Variants in DCLK3 observed in about 807,000 individuals in gnomAD.
DCLK3 encodes the protein serine/threonine-protein kinase DCLK3.
DCLK3 carries 30 observed loss-of-function variants against 46.4 expected under a neutral mutation model. That is an observed-to-expected ratio of 0.65 (90% CI 0.48 to 0.88). The LOEUF is 0.88. Ranked by LOEUF, DCLK3 falls within the 40% of genes least tolerant of loss-of-function variation. The pLI is 0.00. For synonymous variants in DCLK3, 401 were observed against 339.2 expected (o/e 1.18, Z -2.00); for missense variants, 846 against 907.1 (o/e 0.93, Z 0.87).
chr3:36,753,106 T>C (rs7632683), intron 1 of DCLK3, among the ~76,000 whole-genome samples: 117,318 of 152,154 alleles, frequency 0.77, 45,652 homozygotes, highest in Middle Eastern at 0.86. Context: ...GAATTTTTAG[T>C]GGATGGTAGT....
At chr3:36,729,244 T>TGG (rs1553611154) in intron 2 of DCLK3, among the ~76,000 whole-genome samples, 4 of 35,990 alleles carry the variant, frequency 1.1e-4, no homozygotes, top group East Asian at 7.0e-4. Context: ...GTTGTGTGTG[T>TGG]GTGTGGGGGG....
At position 36,738,639 on chromosome 3, in the gene DCLK3, T is replaced by A; in HGVS notation, c.528A>T (p.Thr176=). The part of the protein sequence containing the change: ...AFIAMGKEPL[T]LKSIQVAVEE... ...CTACAGCCACCTGAATGCTCTTCAGTGTCAGTGGTTCTTTGCCCATAGCTA... is the reference window on the plus strand; with the variant it reads ...CTACAGCCACCTGAATGCTCTTCAGAGTCAGTGGTTCTTTGCCCATAGCTA... Residue 176 remains threonine (T), a synonymous_variant, in exon 2 of 5, where the codon ACA becomes ACT. Coordinates refer to ENST00000636136, the MANE Select transcript of DCLK3 (RefSeq NM_001394672.2). 7.5e-7 allele frequency: 1 copy of A among 1,341,486 alleles called. No homozygotes were observed. Among genetic ancestry groups the A allele is most frequent in the Non-Finnish European group, 9.6e-7 (1 of 1,039,076 alleles). The allele number at this position is 1,341,486 out of a possible 1,614,324, so 83.1% of individuals were successfully genotyped here. A position where few individuals can be genotyped will look rare whatever the true frequency, so the allele number is the denominator to read the frequency against.
chr3:36,747,082 G>T (rs1421623126), intron 1 of DCLK3, among the ~76,000 whole-genome samples: 2 of 152,212 alleles, frequency 1.3e-5, no homozygotes, highest in African/African-American at 2.4e-5. Flanking sequence ...TGGCATCAGT[G>T]CAGTGAAACA....
intron 2 of DCLK3, among the ~76,000 whole-genome samples, chr3:36,736,279 T>C (rs997263464): frequency 6.6e-6 from 1 of 152,144 alleles, no homozygotes; most frequent in African/African-American, 2.4e-5. Flanking sequence ...TATAATCAGG[T>C]ATCTTAATAA....
intron 1 of DCLK3, among the ~76,000 whole-genome samples, chr3:36,748,195 G>C (rs1216222788): frequency 6.7e-6 from 1 of 149,756 alleles, no homozygotes; most frequent in Admixed American, 6.6e-5. Flanking sequence ...TGGGTGAATG[G>C]GGAAGGAGGT....
chr3:36,730,193 T>TAC (rs55833576), intron 2 of DCLK3, among the ~76,000 whole-genome samples: 3,545 of 143,112 alleles, frequency 0.025, 61 homozygotes, highest in Middle Eastern at 0.043. Flanking sequence ...ACACCATATA[T>TAC]ACACACACAC....
rs1273142486 is a variant in DCLK3 at position 36,738,950 on chromosome 3, C to T, written c.217G>A (p.Val73Met). The change falls in exon 2 of 5, where the codon GTG becomes ATG. Residue 73 changes from valine (V) to methionine (M), a missense_variant. Val to Met is a conservative substitution (Grantham distance 21). Around this residue, in one of 3 missense-constraint regions of DCLK3, gnomAD observed 553 missense variants for 543.0 expected, o/e 1.02. Transcript: ENST00000636136. ...KPFLGPRGPV[V>M]PLFCPRNGLH... ...CCATTCCGAGGGCAGAACAAGGGCACGACGGGGCCACGCGGCCCCAGGAAT... is the reference window on the plus strand; with the variant it reads ...CCATTCCGAGGGCAGAACAAGGGCATGACGGGGCCACGCGGCCCCAGGAAT... 1.2e-5 allele frequency: 5 copies of T among 402,202 alleles called. No homozygotes were observed. The highest frequency in any genetic ancestry group is 2.2e-5 in the Non-Finnish European group (5 of 228,958). The allele number at this position is 402,202 out of a possible 1,614,324, so 24.9% of individuals were successfully genotyped here.
chr3:36,745,990 A>G (rs1351732819), intron 1 of DCLK3, among the ~76,000 whole-genome samples: 2 of 152,256 alleles, frequency 1.3e-5, no homozygotes, highest in Non-Finnish European at 2.9e-5. Flanking sequence ...GCAAGGTAAT[A>G]AAATGAAACT....
At chr3:36,758,278 C>T (rs1018592488) in intron 1 of DCLK3, among the ~76,000 whole-genome samples, 1 of 152,148 alleles carries the variant, frequency 6.6e-6, no homozygotes, top group African/African-American at 2.4e-5. Flanking sequence ...ATCTGAATGG[C>T]CATGTTATGA....
At chr3:36,762,249 C>T (rs1316807559) in intron 1 of DCLK3, among the ~76,000 whole-genome samples, 1 of 152,096 alleles carries the variant, frequency 6.6e-6, no homozygotes, top group Admixed American at 6.5e-5. Context: ...GCATGGGCTA[C>T]CTATTACCGA....
rs773369691 is a variant in DCLK3 at position 36,738,074 on chromosome 3, C to T, written c.1093G>A (p.Glu365Lys). The T allele has an allele frequency of 6.2e-7, 1 of 1,613,734 alleles. No individual in the cohort carries two copies. Among genetic ancestry groups the T allele is most frequent in the Admixed American group, 1.7e-5 (1 of 59,988 alleles). The change falls in exon 2 of 5, where the codon GAA becomes AAA. Residue 365 changes from glutamate (E) to lysine (K), a missense_variant. This residue lies in a region of DCLK3 where 553 missense variants were observed against 543.0 expected (regional missense o/e 1.02). Coordinates refer to ENST00000636136, the MANE Select transcript of DCLK3 (RefSeq NM_001394672.2). ...CTGTGGCTGTCACCCTTCCACCCTT[C>T]CTCCCCACTTGCAGGATTTGCCTCG... ...SPEANPASGEEGWKGDSHRSS... is the reference protein window; with the variant it reads ...SPEANPASGEKGWKGDSHRSS...
intron 1 of DCLK3, among the ~76,000 whole-genome samples, chr3:36,748,957 G>A (rs1701416226): frequency 6.6e-6 from 1 of 152,136 alleles, no homozygotes; most frequent in African/African-American, 2.4e-5. Flanking sequence ...GACATCCGAT[G>A]CTGGTTGGCT....
At chr3:36,742,476 C>G (rs1701353521) in intron 1 of DCLK3, among the ~76,000 whole-genome samples, 1 of 152,196 alleles carries the variant, frequency 6.6e-6, no homozygotes, top group Admixed American at 6.5e-5. Flanking sequence ...AACAGCTCAG[C>G]CTCCATCACA....
chr3:36,751,212 G>A (rs1303814829), intron 1 of DCLK3, among the ~76,000 whole-genome samples: 1 of 152,052 alleles, frequency 6.6e-6, no homozygotes, highest in Non-Finnish European at 1.5e-5. Flanking sequence ...TTCAAAAGAA[G>A]AGAAGGCATG....
intron 2 of DCLK3, among the ~76,000 whole-genome samples, chr3:36,734,394 A>G (rs1701234674): frequency 1.3e-5 from 2 of 152,222 alleles, no homozygotes; most frequent in Non-Finnish European, 1.5e-5. Flanking sequence ...TGATAAATGC[A>G]AGCTGACAAA....
At chr3:36,728,378 T>C (rs927957593) in intron 2 of DCLK3, among the ~76,000 whole-genome samples, 1 of 151,990 alleles carries the variant, frequency 6.6e-6, no homozygotes, top group Non-Finnish European at 1.5e-5. Context: ...GGGGGGACGG[T>C]GTCTGTTAGG....
intron 1 of DCLK3, 103 bp from the exon 2 acceptor site, chr3:36,739,187 T>A: frequency 2.5e-6 from 1 of 397,112 alleles, no homozygotes; most frequent in Non-Finnish European, 4.4e-6. Flanking sequence ...AGCATTACAG[T>A]TTATAAGTGT....
chr3:36,728,786 T>C (rs1379736266), intron 2 of DCLK3, among the ~76,000 whole-genome samples: 1 of 152,198 alleles, frequency 6.6e-6, no homozygotes, highest in Non-Finnish European at 1.5e-5. Context: ...TATATCCTAT[T>C]GGTTCTGTCT....
At position 36,737,667 on chromosome 3, in the gene DCLK3, C is replaced by G. The variant is rs570133877; in HGVS notation, c.1500G>C (p.Glu500Asp). Residue 500 changes from glutamate (E) to aspartate (D), a missense_variant, in exon 2 of 5, where the codon GAG becomes GAC. By Grantham distance (45) the Glu-to-Asp change is conservative. This residue lies in a region of DCLK3 where 553 missense variants were observed against 543.0 expected (regional missense o/e 1.02). Transcript: ENST00000636136. This position sits in a 1 kb window ranked among gnomAD's most constrained non-coding sequence, Gnocchi z 4.4. ...LEKEPKTRPE[E>D]NKPERPSGRK... is the part of the protein sequence containing the mutation. The stretch of plus-strand genomic sequence containing the variant: ...GACCGCTGGGCCGCTCTGGCTTGTT[C>G]TCTTCTGGCCTCGTCTTGGGCTCCT... 6.2e-7 allele frequency: 1 copy of G among 1,613,510 alleles called. No homozygotes were observed. Among genetic ancestry groups the G allele is most frequent in the East Asian group, 2.2e-5 (1 of 44,890 alleles).
Sources: gnomAD v4.1 joint callset for allele counts (sites outside exome capture counted in the v4.1 genomes callset) on GRCh38, gnomAD v4.1.1 for gene constraint, gnomAD v4.1.1 regional missense constraint, Gnocchi (gnomAD v3.1) non-coding constraint, MANE v1.5 for transcripts, NCBI Gene and HGNC (gene_info 2026-07-23, HGNC 2026-07-21) for gene names.